VSIG10L: variants seen among roughly 807,000 people sequenced by gnomAD.
The protein encoded by VSIG10L is V-set and immunoglobulin domain containing 10 like.
Under a neutral mutation model 67.3 loss-of-function variants are expected in VSIG10L, and 63 were observed. That is an observed-to-expected ratio of 0.94 (90% CI 0.76 to 1.15). The LOEUF is 1.15. Among genes scored for constraint, VSIG10L ranks in the 50% most tolerant of loss-of-function variants. The pLI, the probability that VSIG10L is intolerant of heterozygous loss-of-function variation, is 0.00. For synonymous variants in VSIG10L, 499 were observed against 524.9 expected (o/e 0.95, Z 0.67); for missense variants, 1,050 against 1,177.5 (o/e 0.89, Z 1.58).
chr19:51,333,696 C>T, intron 9 of VSIG10L, 95 bp downstream of exon 9: 1 of 1,362,164 alleles, frequency 7.3e-7, no homozygotes. Flanking sequence ...ACAAGTAAAA[C>T]TGGAGTTAGA....
Position 51,337,145 on chromosome 19 carries a change from T to C in VSIG10L, c.2305+93A>G, listed in dbSNP as rs949622192. The C allele has an allele frequency of 4.3e-6, 6 of 1,384,376 alleles. No homozygotes were observed. In the African/African-American group the frequency reaches 8.8e-5, roughly 20 times the overall value. The allele number at this position is 1,384,376 out of a possible 1,614,324, so 85.8% of individuals were successfully genotyped here. A position where few individuals can be genotyped will look rare whatever the true frequency, so the allele number is the denominator to read the frequency against. ...TAGTCTCAAGCCATGCAGTTCATGG[T>C]ACTTTGTTAGGGCAGGCCCCAGGAC... On this transcript the variant is annotated intron_variant, in intron 7 of 9. Coordinates refer to ENST00000335624, the MANE Select transcript of VSIG10L (RefSeq NM_001163922.3).
chr19:51,335,151 C>T (rs2123549664), intron 7 of VSIG10L, among the ~76,000 whole-genome samples: 1 of 152,308 alleles, frequency 6.6e-6, no homozygotes, highest in Middle Eastern at 3.4e-3. Context: ...GAAAAGCTTT[C>T]TCTGTTCAAC....
intron 7 of VSIG10L, 37 bp from the exon 8 acceptor site, chr19:51,334,341 G>A: frequency 6.5e-7 from 1 of 1,539,156 alleles, no homozygotes; most frequent in Non-Finnish European, 8.8e-7. Flanking sequence ...AAGGGGAACA[G>A]GAACCAAGGT....
At chr19:51,334,828 C>T (rs1985443922) in intron 7 of VSIG10L, among the ~76,000 whole-genome samples, 1 of 95,538 alleles carries the variant, frequency 1.0e-5, no homozygotes, top group Non-Finnish European at 2.0e-5. Flanking sequence ...GTAGCCCCAG[C>T]TACTCAGGAG....
chr19:51,339,184 C>T lies in VSIG10L; in HGVS notation c.1475-42G>A, dbSNP rs944272218. The T allele has an allele frequency of 2.4e-6, 3 of 1,266,194 alleles. No individual in the cohort carries two copies. The African/African-American group carries it at 4.7e-5, about 20-fold the overall frequency. 78.4% of individuals were successfully genotyped at this position (1,266,194 alleles called of 1,614,324 possible). On this transcript the variant is annotated intron_variant, in intron 4 of 9. Transcript: ENST00000335624. ...GAGAATGAAGATGGAGTCCCTTTCTCATTTCTTCTCCAGCCCCGCCTCCCC... is the reference window on the plus strand; with the variant it reads ...GAGAATGAAGATGGAGTCCCTTTCTTATTTCTTCTCCAGCCCCGCCTCCCC...
At chr19:51,333,678 GTAAAC>G in intron 9 of VSIG10L, 108 bp downstream of exon 9, 2 of 1,285,946 alleles carry the variant, frequency 1.6e-6, no homozygotes, top group Non-Finnish European at 2.1e-6. Context: ...TATACAGACT[GTAAAC>G]TAACAAGTAA....
At chr19:51,335,712 C>T (rs2034134442) in intron 7 of VSIG10L, among the ~76,000 whole-genome samples, 1 of 152,144 alleles carries the variant, frequency 6.6e-6, no homozygotes, top group Admixed American at 6.5e-5. Context: ...AGCTCAAGAC[C>T]AGCCTGGCCA....
rs1358126527 is a variant in VSIG10L at position 51,340,990 on chromosome 19, T to A, written c.895+163A>T. 11 of 1,141,482 alleles carry A rather than the reference T, an allele frequency of 9.6e-6. No homozygotes were observed. The Admixed American group carries it at 3.6e-4, about 37-fold the overall frequency. The allele number at this position is 1,141,482 out of a possible 1,614,324, so 70.7% of individuals were successfully genotyped here. ...GGAGTCTCCATCCCAGGTCCACCTT[T>A]GCTCAGACACCCCTGCCTTGACCTC... On this transcript the variant is annotated intron_variant, in intron 2 of 9. Coordinates refer to ENST00000335624, the MANE Select transcript of VSIG10L (RefSeq NM_001163922.3). This position sits in a 1 kb window ranked among gnomAD's most constrained non-coding sequence, Gnocchi z 6.3.
intron 2 of VSIG10L, 62 bp downstream of exon 2, chr19:51,341,091 C>G: frequency 6.9e-7 from 1 of 1,453,058 alleles, no homozygotes; most frequent in Non-Finnish European, 9.1e-7. Flanking sequence ...GTGACTTGCC[C>G]AAAGCCTGGC....
Position 51,338,926 on chromosome 19 carries a change from C to T in VSIG10L, c.1691G>A (p.Arg564His). The change falls in exon 5 of 10, where the codon CGC becomes CAC. Residue 564 changes from arginine to histidine, a missense_variant. Arg to His is a conservative substitution (Grantham distance 29). Transcript: ENST00000335624. ...LSGVPITCLA[R>H]HLVATRTCTV... ...GCAGGTACGCGTGGCCACCAGGTGGCGAGCAAGGCAGGTGATGGGGACGCC... is the reference window on the plus strand; with the variant it reads ...GCAGGTACGCGTGGCCACCAGGTGGTGAGCAAGGCAGGTGATGGGGACGCC... The T allele has an allele frequency of 1.4e-6, 2 of 1,445,508 alleles. No homozygotes were observed. Among genetic ancestry groups the T allele is most frequent in the South Asian group, 1.4e-5 (1 of 71,944 alleles). 89.5% of individuals were successfully genotyped at this position (1,445,508 alleles called of 1,614,324 possible).
chr19:51,340,228 C>CCGCGGTGACAAAGCGGGCAGG lies in VSIG10L; in HGVS notation c.1240_1260dup (p.Pro414_Ala420dup). On this transcript the variant is annotated inframe_insertion, in exon 4 of 10. Coordinates refer to ENST00000335624, the MANE Select transcript of VSIG10L (RefSeq NM_001163922.3). This position sits in a 1 kb window ranked among gnomAD's most constrained non-coding sequence, Gnocchi z 6.3. The stretch of plus-strand genomic sequence containing the variant: ...GCGCAGCGCAAGGTCACGTTACTGC[C>CCGCGGTGACAAAGCGGGCAGG]CGCGGTGACAAAGCGGGCAGGCGCG... 7 of 1,510,372 alleles carry CCGCGGTGACAAAGCGGGCAGG rather than the reference C, an allele frequency of 4.6e-6. No individual in the cohort carries two copies. Among genetic ancestry groups the CCGCGGTGACAAAGCGGGCAGG allele is most frequent in the Non-Finnish European group, 6.2e-6 (7 of 1,136,762 alleles). The allele number at this position is 1,510,372 out of a possible 1,614,324, so 93.6% of individuals were successfully genotyped here.
chr19:51,341,736 C>T lies in VSIG10L; in HGVS notation c.312G>A (p.Leu104=). Residue 104 remains leucine, a synonymous_variant, in exon 2 of 10, where the codon TTG becomes TTA. Transcript: ENST00000335624. Reference sequence around the variant, plus strand: ...TTTCAGAGAAGGGGGAAACCGGGCTCAAATCTTGGCCCTCAGCAGAAACAT... The same window carrying T: ...TTTCAGAGAAGGGGGAAACCGGGCTTAAATCTTGGCCCTCAGCAGAAACAT... ...WSNVSAEGQD[L]SPVSPFSETP... The T allele has an allele frequency of 6.4e-7, 1 of 1,551,646 alleles. No homozygotes were observed. Among genetic ancestry groups the T allele is most frequent in the Non-Finnish European group, 8.7e-7 (1 of 1,146,986 alleles).
intron 9 of VSIG10L, 117 bp from the exon 10 acceptor site, chr19:51,332,757 C>G: frequency 9.6e-7 from 1 of 1,044,394 alleles, no homozygotes; most frequent in Non-Finnish European, 1.3e-6. Context: ...ATCTGGGAAC[C>G]CTCCATTTGG....
At chr19:51,332,753 G>A in intron 9 of VSIG10L, 113 bp from the exon 10 acceptor site, 2 of 1,080,786 alleles carry the variant, frequency 1.9e-6, no homozygotes, top group Non-Finnish European at 2.6e-6. Context: ...GATTATCTGG[G>A]AACCCTCCAT....
chr19:51,336,836 G>A (rs1282857945), intron 7 of VSIG10L, among the ~76,000 whole-genome samples: 2 of 134,842 alleles, frequency 1.5e-5, no homozygotes, highest in Non-Finnish European at 3.0e-5. Flanking sequence ...GGCTGATCTC[G>A]GCTCACTGCA....
chr19:51,341,685 A>G lies in VSIG10L; in HGVS notation c.363T>C (p.Asp121=), dbSNP rs1985643106. 1 of 1,551,556 alleles carries G rather than the reference A, an allele frequency of 6.4e-7. No homozygotes were observed. Among genetic ancestry groups the G allele is most frequent in the Admixed American group, 2.0e-5 (1 of 50,972 alleles). The part of the protein sequence containing the change: ...SETPGSEVFP[D]ISDPQVPAKD... ...TGGCAGGAACTTGAGGATCCGAAAT[A>G]TCAGGAAATACTTCAGAACCAGGGG... Residue 121 remains aspartate, a synonymous_variant, in exon 2 of 10, where the codon GAT becomes GAC. Transcript: ENST00000335624.
In VSIG10L at chr19:51,338,027, G is replaced by T. The variant is rs1308978928; in HGVS notation, c.1911C>A (p.Leu637=). 1.5e-5 allele frequency: 24 copies of T among 1,551,572 alleles called. No individual in the cohort carries two copies. Among genetic ancestry groups the T allele is most frequent in the Non-Finnish European group, 2.1e-5 (24 of 1,147,006 alleles). Residue 637 remains leucine, a synonymous_variant, in exon 6 of 10, where the codon CTC becomes CTA. Transcript: ENST00000335624. ...AATCCAGGCTGAAGTTGCCGATGTG[G>T]AGTTTCCGCCCATCTTGACTGAGCC... ...RLRLSQDGRK[L]HIGNFSLDWD... is the part of the protein sequence containing the mutation.
chr19:51,333,712 G>C (rs1260459643), intron 9 of VSIG10L, 79 bp downstream of exon 9: 1 of 1,423,754 alleles, frequency 7.0e-7, no homozygotes, highest in Non-Finnish European at 9.3e-7. Context: ...TTAGATAATT[G>C]AGACCCTCTC....
In VSIG10L at chr19:51,340,209, C is replaced by A; in HGVS notation, c.1280G>T (p.Arg427Leu). 6.7e-7 allele frequency: 1 copy of A among 1,487,708 alleles called. No homozygotes were observed. The allele number at this position is 1,487,708 out of a possible 1,614,324, so 92.2% of individuals were successfully genotyped here. A position where few individuals can be genotyped will look rare whatever the true frequency, so the allele number is the denominator to read the frequency against. Residue 427 changes from arginine (R) to leucine (L), a missense_variant, in exon 4 of 10, where the codon CGC (arginine) becomes CTC (leucine). Physicochemically the swap from Arg to Leu is moderately radical, Grantham distance 102 (BLOSUM62 -2). Transcript: ENST00000335624. This position sits in a 1 kb window ranked among gnomAD's most constrained non-coding sequence, Gnocchi z 6.3. ...FVTAGSNVTL[R>L]CAAASRPPAD... ...GGGCGGCCGCGAGGCGGCGGCGCAG[C>A]GCAAGGTCACGTTACTGCCCGCGGT...
Sources: allele counts gnomAD v4.1 joint callset (sites outside exome capture counted in the v4.1 genomes callset), GRCh38; gene constraint gnomAD v4.1.1; non-coding constraint Gnocchi (gnomAD v3.1); transcripts MANE v1.5; gene names NCBI Gene and HGNC (gene_info 2026-07-23, HGNC 2026-07-21).